The following PTPRR variants were observed in gnomAD, a reference collection of about 807,000 sequenced individuals.
The protein encoded by PTPRR is protein tyrosine phosphatase receptor type R, also known as receptor-type tyrosine-protein phosphatase R.
In PTPRR, 38 loss-of-function variants were observed where a neutral mutation model predicts 77.2. The observed-to-expected ratio is 0.49, with a 90% CI of 0.38 to 0.65. PTPRR has a LOEUF of 0.65. Ranked by LOEUF, PTPRR falls within the 30% of genes least tolerant of loss-of-function variation. The probability of loss-of-function intolerance (pLI) is 0.00; values close to 1 mark genes in which losing one functional copy is unlikely to be tolerated. For missense variants in PTPRR, 744 were observed against 799.2 expected, an observed-to-expected ratio of 0.93 and a Z score of 0.83; for synonymous variants, 299 against 283.1, an observed-to-expected ratio of 1.06 and a Z score of -0.57.
chr12:70,816,014 T>A (rs926421821), intron 2 of PTPRR, among the ~76,000 whole-genome samples: 2 of 152,186 alleles, frequency 1.3e-5, no homozygotes, highest in African/African-American at 4.8e-5. Context: ...CACTCTTTCC[T>A]GAGTTATCTA....
chr12:70,646,241 T>A (rs1033256960), intron 13 of PTPRR, among the ~76,000 whole-genome samples: 7 of 152,292 alleles, frequency 4.6e-5, no homozygotes, highest in African/African-American at 1.7e-4. Context: ...GGGTCAGCTG[T>A]AAGGTGTGTC....
chr12:70,701,202 T>C lies in PTPRR; in HGVS notation c.1129A>G (p.Ile377Val). Residue 377 changes from isoleucine to valine, a missense_variant, in exon 7 of 14, where the codon ATT becomes GTT. By Grantham distance (29) the Ile-to-Val change is conservative (BLOSUM62 3). This residue lies in a region of PTPRR where 570 missense variants were observed against 573.2 expected (regional missense o/e 0.99). Transcript: ENST00000283228. ...TCCCTCAGCTGAGACCTTGTGAGAA[T>C]TCGGCTGGCTGACTGCAGATACTCC... Reference protein sequence around the residue: ...AMEYLQSASRILTRSQLRDVV... With the variant: ...AMEYLQSASRVLTRSQLRDVV... 6.2e-7 allele frequency: 1 copy of C among 1,614,016 alleles called. No homozygotes were observed. The highest frequency in any genetic ancestry group is 8.5e-7 in the Non-Finnish European group (1 of 1,179,952).
intron 13 of PTPRR, among the ~76,000 whole-genome samples, chr12:70,645,254 A>G (rs1592629450): frequency 6.6e-6 from 1 of 152,232 alleles, no homozygotes; most frequent in Admixed American, 6.5e-5. Flanking sequence ...TTGTTCACAA[A>G]GAAGTTTGAA....
intron 2 of PTPRR, among the ~76,000 whole-genome samples, chr12:70,781,672 T>C (rs1233707272): frequency 6.6e-6 from 1 of 152,162 alleles, no homozygotes; most frequent in Non-Finnish European, 1.5e-5. Flanking sequence ...ATTGACCCTT[T>C]TAAGAGGTGA....
chr12:70,881,980 T>C (rs570467239), intron 2 of PTPRR, among the ~76,000 whole-genome samples: 2 of 152,348 alleles, frequency 1.3e-5, no homozygotes, highest in Non-Finnish European at 2.9e-5. Flanking sequence ...TGGGTGTTTA[T>C]TGTGACACTA....
chr12:70,645,800 C>T (rs1252294467), intron 13 of PTPRR, among the ~76,000 whole-genome samples: 1 of 151,284 alleles, frequency 6.6e-6, no homozygotes, highest in Non-Finnish European at 1.5e-5. Flanking sequence ...GCTGTGTCAG[C>T]TGGGGGTAAA....
chr12:70,865,861 A>T (rs764738941), intron 2 of PTPRR, among the ~76,000 whole-genome samples: 79 of 152,320 alleles, frequency 5.2e-4, no homozygotes, highest in Non-Finnish European at 7.9e-4. Flanking sequence ...TTCTGTCTAA[A>T]GAGAGAAGCC....
Position 70,892,753 on chromosome 12 carries a change from T to C in PTPRR, c.283A>G (p.Asn95Asp). Reference sequence around the variant, plus strand: ...TCTTGACCATCCATGGCCAGCAGATTGAGAGACGGGTCATATGCGGGTCTA... The same window carrying C: ...TCTTGACCATCCATGGCCAGCAGATCGAGAGACGGGTCATATGCGGGTCTA... ...FPRPAYDPSL[N>D]LLAMDGQDLE... The change falls in exon 2 of 14, where the codon AAT (asparagine) becomes GAT (aspartate). Residue 95 changes from asparagine (N) to aspartate (D), a missense_variant. Asn to Asp is a conservative substitution (Grantham distance 23). Transcript: ENST00000283228. 1 of 1,613,534 alleles carries C rather than the reference T, an allele frequency of 6.2e-7. No homozygotes were observed. The highest frequency in any genetic ancestry group is 8.5e-7 in the Non-Finnish European group (1 of 1,179,556).
intron 2 of PTPRR, among the ~76,000 whole-genome samples, chr12:70,887,501 G>A (rs1445019761): frequency 6.6e-6 from 1 of 151,996 alleles, no homozygotes; most frequent in African/African-American, 2.4e-5. Flanking sequence ...ATTTACTGCA[G>A]GTTGAAGTAA....
intron 6 of PTPRR, among the ~76,000 whole-genome samples, chr12:70,713,661 T>A (rs914511249): frequency 1.3e-5 from 2 of 151,956 alleles, no homozygotes; most frequent in Admixed American, 6.6e-5. Flanking sequence ...ATGTTGAGCA[T>A]GTTTTCTTTG....
intron 10 of PTPRR, among the ~76,000 whole-genome samples, chr12:70,675,303 G>A (rs1887403409): frequency 6.6e-6 from 1 of 151,430 alleles, no homozygotes; most frequent in Non-Finnish European, 1.5e-5. Flanking sequence ...AGTATGATTT[G>A]GATTTTTTTC....
intron 2 of PTPRR, among the ~76,000 whole-genome samples, chr12:70,822,856 G>A (rs577630024): frequency 1.6e-4 from 24 of 152,142 alleles, no homozygotes; most frequent in Admixed American, 6.5e-5. Flanking sequence ...TTTATTGGTA[G>A]ATTAGAGCGT....
At chr12:70,737,082 C>A (rs1157838545) in intron 6 of PTPRR, among the ~76,000 whole-genome samples, 2 of 152,076 alleles carry the variant, frequency 1.3e-5, no homozygotes, top group African/African-American at 2.4e-5. Flanking sequence ...TGTTGCTGAG[C>A]CAGAGGTGCC....
At chr12:70,759,127 AG>A (rs1349955919) in intron 4 of PTPRR, among the ~76,000 whole-genome samples, 1 of 152,090 alleles carries the variant, frequency 6.6e-6, no homozygotes, top group Non-Finnish European at 1.5e-5. Flanking sequence ...GTAAAGTCAG[AG>A]TCTTGCTATG....
At chr12:70,872,778 A>T (rs977277789) in intron 2 of PTPRR, among the ~76,000 whole-genome samples, 2 of 151,602 alleles carry the variant, frequency 1.3e-5, no homozygotes, top group Non-Finnish European at 2.9e-5. Context: ...TGTGACAATG[A>T]CAATCTTAAA....
intron 2 of PTPRR, among the ~76,000 whole-genome samples, chr12:70,841,692 ATATTT>A (rs1256107627): frequency 6.7e-6 from 1 of 149,336 alleles, no homozygotes; most frequent in Non-Finnish European, 1.5e-5. Context: ...AATGTCTCAA[ATATTT>A]TATTTAAGCT....
intron 10 of PTPRR, among the ~76,000 whole-genome samples, chr12:70,670,274 G>C (rs541210095): frequency 6.6e-6 from 1 of 152,220 alleles, no homozygotes; most frequent in Non-Finnish European, 1.5e-5. Flanking sequence ...TGCTCTTTGG[G>C]ACCAAAAGTG....
chr12:70,737,563 C>T lies in PTPRR; in HGVS notation c.1007+8255G>A, dbSNP rs73341034. 7.7e-3 allele frequency among the ~76,000 whole-genome samples: 1,168 copies of T among 151,768 alleles called. 18 individuals carry two copies. Among genetic ancestry groups the T allele is most frequent in the African/African-American group, 0.026 (1,093 of 41,348 alleles). On this transcript the variant is annotated intron_variant, in intron 6 of 13. Coordinates refer to ENST00000283228, the MANE Select transcript of PTPRR (RefSeq NM_002849.4). ...CGAGACAAAGTCTCGCTGTTTTGCC[C>T]AGGCTGGAGTACAGTGGTGTGACAC...
intron 1 of PTPRR, among the ~76,000 whole-genome samples, chr12:70,904,080 G>A (rs938298788): frequency 4.6e-5 from 7 of 151,838 alleles, no homozygotes; most frequent in African/African-American, 7.2e-5. Flanking sequence ...AGAGGATCTG[G>A]AGCAACTGGA....
Sources: gnomAD v4.1 joint callset for allele counts (sites outside exome capture counted in the v4.1 genomes callset) on GRCh38, gnomAD v4.1.1 for gene constraint, gnomAD v4.1.1 regional missense constraint, MANE v1.5 for transcripts, NCBI Gene and HGNC (gene_info 2026-07-23, HGNC 2026-07-21) for gene names.